The following PRP4K variants were observed in gnomAD, a reference collection of about 807,000 sequenced individuals.
PRP4K encodes the protein serine/threonine-protein kinase PRP4 homolog.
At chr6:4,040,281 G>T in the PRP4K span, among the ~76,000 whole-genome samples, 1 of 151,830 alleles carries the variant, frequency 6.6e-6, no homozygotes, top group Non-Finnish European at 1.5e-5. Flanking sequence ...AAAGTAAAAT[G>T]CTTTTTGTTG....
At chr6:4,050,363 G>A in the PRP4K span, 7 of 790,064 alleles carry the variant, frequency 8.9e-6, no homozygotes, top group African/African-American at 8.7e-5. Flanking sequence ...TAAAATTATA[G>A]CCATATGTCA....
the PRP4K span, among the ~76,000 whole-genome samples, chr6:4,023,321 TAAC>T: frequency 5.9e-5 from 9 of 152,214 alleles, no homozygotes; most frequent in Admixed American, 4.6e-4. Context: ...TTAATTCTTT[TAAC>T]AACCCTATGG....
chr6:4,023,582 G>T, the PRP4K span, among the ~76,000 whole-genome samples: 3 of 152,104 alleles, frequency 2.0e-5, no homozygotes, highest in South Asian at 6.2e-4. Flanking sequence ...TACATTTTTT[G>T]ATGTGACATG....
At chr6:4,034,020 A>G in the PRP4K span, among the ~76,000 whole-genome samples, 106,604 of 152,024 alleles carry the variant, frequency 0.7, 37,477 homozygotes, top group East Asian at 0.77. Context: ...TACAGAAGTG[A>G]TGCATACTTA....
chr6:4,058,750 A>G, the PRP4K span: 5 of 1,613,366 alleles, frequency 3.1e-6, no homozygotes, highest in Non-Finnish European at 4.2e-6. Flanking sequence ...GGTGTGTTCA[A>G]AGATCAGCAT....
chr6:4,041,041 G>T, the PRP4K span: 18 of 1,143,472 alleles, frequency 1.6e-5, no homozygotes, highest in Admixed American at 4.4e-4. Context: ...CATTAATTTG[G>T]CTCTGAATTT....
At chr6:4,031,712 G>A in the PRP4K span, 1 of 1,601,644 alleles carries the variant, frequency 6.2e-7, no homozygotes, top group African/African-American at 1.4e-5. Context: ...AAGAAGACAA[G>A]GATAAAAAAC....
At chr6:4,043,703 C>A in the PRP4K span, 5 of 977,886 alleles carry the variant, frequency 5.1e-6, no homozygotes, top group Middle Eastern at 2.5e-4. Context: ...TGGTTTGTTA[C>A]ATTATTTGAT....
chr6:4,049,976 G>A, the PRP4K span: 1 of 1,330,244 alleles, frequency 7.5e-7, no homozygotes, highest in Non-Finnish European at 1.0e-6. Flanking sequence ...ATGATAGAAT[G>A]TGTAAAACAA....
chr6:4,047,881 GATAA>G, the PRP4K span, among the ~76,000 whole-genome samples: 3 of 144,898 alleles, frequency 2.1e-5, no homozygotes, highest in Non-Finnish European at 4.5e-5. Flanking sequence ...AATGTGGTAA[GATAA>G]ATAGTCATGT....
the PRP4K span, among the ~76,000 whole-genome samples, chr6:4,029,938 C>CT: frequency 0.055 from 7,340 of 133,734 alleles, 245 homozygotes; most frequent in Non-Finnish European, 0.074. Flanking sequence ...TGTTTTCTTT[C>CT]TTTTTTTTTT....
the PRP4K span, chr6:4,064,623 T>C: frequency 6.6e-6 from 1 of 152,518 alleles, no homozygotes; most frequent in Non-Finnish European, 1.5e-5. Context: ...CCAGCATATA[T>C]TCAACATGAA....
At chr6:4,023,431 A>G in the PRP4K span, among the ~76,000 whole-genome samples, 6 of 152,234 alleles carry the variant, frequency 3.9e-5, no homozygotes, top group African/African-American at 1.4e-4. Context: ...TGGCACACCC[A>G]TTTAAACTCA....
At chr6:4,036,819 C>G in the PRP4K span, among the ~76,000 whole-genome samples, 1 of 151,340 alleles carries the variant, frequency 6.6e-6, no homozygotes, top group Non-Finnish European at 1.5e-5. Context: ...AGACCCCCAT[C>G]ACTACAAAAC....
the PRP4K span, chr6:4,049,160 C>G: frequency 6.9e-7 from 1 of 1,441,700 alleles, no homozygotes; most frequent in East Asian, 2.3e-5. Context: ...CATGCAAAAG[C>G]ATGCTGCTTG....
At chr6:4,032,516 T>C in the PRP4K span, 2 of 1,613,856 alleles carry the variant, frequency 1.2e-6, no homozygotes, top group Non-Finnish European at 1.7e-6. Context: ...CTAAAGATGC[T>C]TCATCTGGGA....
chr6:4,025,310 G>A, the PRP4K span, among the ~76,000 whole-genome samples: 2 of 152,340 alleles, frequency 1.3e-5, no homozygotes, highest in Non-Finnish European at 2.9e-5. Flanking sequence ...AGCTTTAGAA[G>A]AAAGTCGTTG....
chr6:4,037,584 A>G, the PRP4K span: 1 of 1,606,810 alleles, frequency 6.2e-7, no homozygotes, highest in African/African-American at 1.3e-5. Flanking sequence ...AAGACATTTC[A>G]TCCTTGTGAT....
chr6:4,059,680 C>G, the PRP4K span, among the ~76,000 whole-genome samples: 1 of 152,006 alleles, frequency 6.6e-6, no homozygotes, highest in African/African-American at 2.4e-5. Flanking sequence ...GCTCTGTCAC[C>G]TGTCACCCAG....
Sources: allele counts gnomAD v4.1 joint callset (sites outside exome capture counted in the v4.1 genomes callset), GRCh38; gene constraint gnomAD v4.1.1; transcripts MANE v1.5; gene names NCBI Gene and HGNC (gene_info 2026-07-23, HGNC 2026-07-21).